Variants in SH2D4A observed in about 807,000 individuals in gnomAD.
The protein encoded by SH2D4A is SH2 domain containing 4A, also known as SH2 domain-containing protein 4A.
Under a neutral mutation model 64.7 loss-of-function variants are expected in SH2D4A, and 70 were observed. The observed-to-expected ratio is 1.08, with a 90% CI of 0.89 to 1.32. The LOEUF is 1.32. Ranked by LOEUF, SH2D4A falls within the 40% of genes most tolerant of loss-of-function variation. The pLI is 0.00. For synonymous variants in SH2D4A, 268 were observed against 200.7 expected (o/e 1.34, Z -2.83); for missense variants, 706 against 540.1 (o/e 1.31, Z -3.04).
chr8:19,321,874 T>A (rs2052197669), intron 2 of SH2D4A, among the ~76,000 whole-genome samples: 1 of 152,184 alleles, frequency 6.6e-6, no homozygotes, highest in Admixed American at 6.5e-5. Context: ...GCTGAATTGG[T>A]CTCCTTGTGA....
chr8:19,344,900 T>A (rs190779114), intron 4 of SH2D4A, among the ~76,000 whole-genome samples: 1 of 152,356 alleles, frequency 6.6e-6, no homozygotes, highest in East Asian at 1.9e-4. Flanking sequence ...ATAGCCTCGT[T>A]AGTTCAAGTT....
At chr8:19,381,992 G>C (rs748063739) in intron 8 of SH2D4A, among the ~76,000 whole-genome samples, 1 of 151,876 alleles carries the variant, frequency 6.6e-6, no homozygotes, top group Non-Finnish European at 1.5e-5. Flanking sequence ...TACTTGGTAT[G>C]GTATATAATC....
At chr8:19,341,844 C>CAAAAAA (rs35856719) in intron 4 of SH2D4A, among the ~76,000 whole-genome samples, 1 of 83,350 alleles carries the variant, frequency 1.2e-5, no homozygotes, top group African/African-American at 4.0e-5. Flanking sequence ...CTTGTCTTAA[C>CAAAAAA]AAAAAAAAAA....
intron 2 of SH2D4A, among the ~76,000 whole-genome samples, chr8:19,328,336 G>T (rs569487588): frequency 6.6e-6 from 1 of 151,876 alleles, no homozygotes; most frequent in African/African-American, 2.4e-5. Context: ...TAAAAATAAC[G>T]TAGTCTACGC....
intron 5 of SH2D4A, among the ~76,000 whole-genome samples, chr8:19,358,157 C>T (rs1470599026): frequency 6.6e-6 from 1 of 152,164 alleles, no homozygotes. Context: ...TTCATTAATT[C>T]TGCTTAGATC....
chr8:19,384,566 C>G (rs756724072), intron 8 of SH2D4A, among the ~76,000 whole-genome samples: 1 of 152,156 alleles, frequency 6.6e-6, no homozygotes, highest in Non-Finnish European at 1.5e-5. Context: ...AAAGACCTTA[C>G]AGTCTGTAAT....
chr8:19,357,163 C>A, intron 4 of SH2D4A, 40 bp from the exon 5 acceptor site: 1 of 1,471,932 alleles, frequency 6.8e-7, no homozygotes, highest in Non-Finnish European at 9.5e-7. Context: ...AACTGCACTG[C>A]AGCTCCAAAT....
At chr8:19,318,226 CAT>C (rs1331000543) in intron 1 of SH2D4A, among the ~76,000 whole-genome samples, 1 of 152,176 alleles carries the variant, frequency 6.6e-6, no homozygotes, top group African/African-American at 2.4e-5. Flanking sequence ...TCTTAGGACA[CAT>C]GTGATTCTGA....
intron 4 of SH2D4A, among the ~76,000 whole-genome samples, chr8:19,351,016 G>T (rs2052695560): frequency 6.6e-6 from 1 of 152,008 alleles, no homozygotes; most frequent in African/African-American, 2.4e-5. Flanking sequence ...CCCGCTTTTT[G>T]TCTGTTAGTC....
intron 1 of SH2D4A, among the ~76,000 whole-genome samples, chr8:19,315,674 T>G (rs2052076238): frequency 6.6e-6 from 1 of 152,202 alleles, no homozygotes; most frequent in Non-Finnish European, 1.5e-5. Context: ...GGGGCTGTGT[T>G]AGCTGAGCTA....
At position 19,314,196 on chromosome 8, in the gene SH2D4A, G is replaced by C. The variant is rs938004617; in HGVS notation, c.-205+373G>C. The C allele has an allele frequency of 7.9e-4, 606 of 763,884 alleles. 1 individual carries two copies. Among genetic ancestry groups the C allele is most frequent in the Non-Finnish European group, 9.7e-4 (592 of 611,698 alleles). The allele number at this position is 763,884 out of a possible 1,614,324, so 47.3% of individuals were successfully genotyped here. On this transcript the variant is annotated intron_variant, in intron 1 of 9. Coordinates refer to ENST00000265807, the MANE Select transcript of SH2D4A (RefSeq NM_022071.4). Reference sequence around the variant, plus strand: ...AAGTTCTGGAATCCGGCAGGGACACGCGGCGCGTGCTTCCACCCGCGGGGA... The same window carrying C: ...AAGTTCTGGAATCCGGCAGGGACACCCGGCGCGTGCTTCCACCCGCGGGGA...
In SH2D4A at chr8:19,394,608, A is replaced by G; in HGVS notation, c.1331A>G (p.Asp444Gly). The change falls in exon 10 of 10, where the codon GAC becomes GGC. Residue 444 changes from aspartate to glycine, a missense_variant. Coordinates refer to ENST00000265807, the MANE Select transcript of SH2D4A (RefSeq NM_022071.4). ...CTTCTCTATCCCTGTGGTCAGCAGG[A>G]CCAGCTGCCTGACTACCTGGAGCTG... ...ELLLYPCGQQ[D>G]QLPDYLELFE The G allele has an allele frequency of 6.2e-7, 1 of 1,611,378 alleles. No homozygotes were observed. Among genetic ancestry groups the G allele is most frequent in the Non-Finnish European group, 8.5e-7 (1 of 1,178,430 alleles).
In SH2D4A at chr8:19,382,823, C is replaced by CTTTTTTTTTTTTTTTTTT. The variant is rs1159245319; in HGVS notation, c.1048+9171_1048+9188dup. The stretch of plus-strand genomic sequence containing the variant: ...TTTCTCTCTTGCTGCTTTTAAGATT[C>CTTTTTTTTTTTTTTTTTT]TTTTTTTTTTTTTTTTTTTTTTTTT... On this transcript the variant is annotated intron_variant, in intron 8 of 9. Coordinates refer to ENST00000265807, the MANE Select transcript of SH2D4A (RefSeq NM_022071.4). Among the ~76,000 whole-genome samples, 52 of 64,630 alleles carry CTTTTTTTTTTTTTTTTTT rather than the reference C, an allele frequency of 8.0e-4. 4 individuals carry two copies. Among genetic ancestry groups the CTTTTTTTTTTTTTTTTTT allele is most frequent in the African/African-American group, 9.3e-4 (16 of 17,116 alleles). The allele number at this position is 64,630 out of a possible 152,430, so 42.4% of individuals were successfully genotyped here. A position where few individuals can be genotyped will look rare whatever the true frequency, so the allele number is the denominator to read the frequency against.
At chr8:19,341,474 A>G (rs1445464719) in intron 4 of SH2D4A, among the ~76,000 whole-genome samples, 1 of 152,194 alleles carries the variant, frequency 6.6e-6, no homozygotes, top group East Asian at 1.9e-4. Flanking sequence ...TATAAACAAT[A>G]TTCAAGGGAA....
intron 8 of SH2D4A, among the ~76,000 whole-genome samples, chr8:19,391,760 A>G (rs377455679): frequency 3.5e-4 from 53 of 152,320 alleles, no homozygotes; most frequent in African/African-American, 1.2e-3. Flanking sequence ...AGAAAAGAGA[A>G]CAGACATGGT....
chr8:19,320,495 A>G (rs1165552511), intron 2 of SH2D4A, among the ~76,000 whole-genome samples: 1 of 151,978 alleles, frequency 6.6e-6, no homozygotes, highest in African/African-American at 2.4e-5. Context: ...ATGGTGGTAC[A>G]TGCCTATAGT....
At chr8:19,344,060 A>C (rs1261348672) in intron 4 of SH2D4A, among the ~76,000 whole-genome samples, 1 of 152,200 alleles carries the variant, frequency 6.6e-6, no homozygotes, top group Non-Finnish European at 1.5e-5. Context: ...GGACGAAGAA[A>C]GGTAAGTTTG....
chr8:19,339,012 C>A (rs1163778335), intron 4 of SH2D4A, among the ~76,000 whole-genome samples: 1 of 152,220 alleles, frequency 6.6e-6, no homozygotes, highest in South Asian at 2.1e-4. Flanking sequence ...CGGTACAAGT[C>A]CCCAAACCTC....
intron 2 of SH2D4A, among the ~76,000 whole-genome samples, chr8:19,325,280 T>C (rs1374243171): frequency 6.6e-6 from 1 of 152,216 alleles, no homozygotes; most frequent in Non-Finnish European, 1.5e-5. Flanking sequence ...GATACTGTTC[T>C]GTTAGGATGT....
Sources: gnomAD v4.1 joint callset for allele counts (sites outside exome capture counted in the v4.1 genomes callset) on GRCh38, gnomAD v4.1.1 for gene constraint, MANE v1.5 for transcripts, NCBI Gene and HGNC (gene_info 2026-07-23, HGNC 2026-07-21) for gene names.